The following OLFM3 variants were observed in gnomAD, a reference collection of about 807,000 sequenced individuals.
The protein encoded by OLFM3 is noelin-3.
Under a neutral mutation model 48.6 loss-of-function variants are expected in OLFM3, and 20 were observed. The ratio of observed to expected loss-of-function variants is 0.41; its 90% CI spans 0.29 to 0.60. The LOEUF (loss-of-function observed/expected upper bound fraction) is 0.60. OLFM3 is among the 20% of genes least tolerant of loss of function. OLFM3 has a pLI of 0.28. For synonymous variants in OLFM3, 222 were observed against 198.1 expected (o/e 1.12, Z -1.01); for missense variants, 437 against 544.3 (o/e 0.80, Z 1.96).
chr1:101,858,345 C>A (rs1656513416), intron 1 of OLFM3, among the ~76,000 whole-genome samples: 1 of 151,984 alleles, frequency 6.6e-6, no homozygotes, highest in Admixed American at 6.6e-5. Flanking sequence ...ATTTATTGAT[C>A]ATCCTCTATA....
intron 1 of OLFM3, among the ~76,000 whole-genome samples, chr1:101,965,294 A>G (rs1660576816): frequency 6.6e-6 from 1 of 152,228 alleles, no homozygotes; most frequent in Non-Finnish European, 1.5e-5. Context: ...CAAAAGAAGA[A>G]TAAAATGTTG....
chr1:101,987,098 G>A (rs1170422102), intron 1 of OLFM3, among the ~76,000 whole-genome samples: 1 of 152,066 alleles, frequency 6.6e-6, no homozygotes, highest in African/African-American at 2.4e-5. Flanking sequence ...CAAATATTTA[G>A]ATATGGAGTC....
chr1:101,889,718 T>G (rs1016381874), intron 1 of OLFM3, among the ~76,000 whole-genome samples: 19 of 152,074 alleles, frequency 1.2e-4, no homozygotes, highest in Admixed American at 1.2e-3. Context: ...TGATCTAGCA[T>G]AGATAACATA....
intron 1 of OLFM3, among the ~76,000 whole-genome samples, chr1:101,987,662 A>C (rs188352082): frequency 6.6e-6 from 1 of 152,266 alleles, no homozygotes; most frequent in East Asian, 1.9e-4. Flanking sequence ...CAACATTTCC[A>C]GTACTGATTC....
chr1:101,882,361 G>T (rs1240188894), intron 1 of OLFM3, among the ~76,000 whole-genome samples: 1 of 147,016 alleles, frequency 6.8e-6, no homozygotes, highest in Non-Finnish European at 1.5e-5. Context: ...AAGATTAAAA[G>T]AATTCTGCCA....
intron 1 of OLFM3, among the ~76,000 whole-genome samples, chr1:101,869,786 C>A (rs565072796): frequency 2.6e-5 from 4 of 152,036 alleles, no homozygotes; most frequent in Non-Finnish European, 4.4e-5. Flanking sequence ...TGAGTTCTCA[C>A]GATATCTGAT....
chr1:101,983,220 G>C lies in OLFM3; in HGVS notation c.69+13528C>G, dbSNP rs183352101. Among the ~76,000 whole-genome samples, 744 of 152,314 alleles carry C rather than the reference G, an allele frequency of 4.9e-3. 11 individuals carry two copies. The highest frequency in any genetic ancestry group is 0.017 in the African/African-American group (705 of 41,558). On this transcript the variant is annotated intron_variant, in intron 1 of 5. Transcript: ENST00000370103. ...AAAAAAGCTCTTCAGTAGCTCTTCA[G>C]TGCTTCACAGGCTTGTACATCTCTT...
chr1:101,980,348 A>T (rs1452583339), intron 1 of OLFM3, among the ~76,000 whole-genome samples: 3 of 152,078 alleles, frequency 2.0e-5, no homozygotes, highest in Non-Finnish European at 4.4e-5. Context: ...ATCTCACCTC[A>T]AATTGTAATC....
chr1:101,834,987 T>C (rs1430522430), intron 2 of OLFM3, among the ~76,000 whole-genome samples: 1 of 152,238 alleles, frequency 6.6e-6, no homozygotes, highest in Non-Finnish European at 1.5e-5. Flanking sequence ...TTATACTTTA[T>C]TTTAATTTTT....
intron 1 of OLFM3, among the ~76,000 whole-genome samples, chr1:101,860,244 A>G (rs573974994): frequency 1.3e-5 from 2 of 152,104 alleles, no homozygotes; most frequent in Non-Finnish European, 2.9e-5. Context: ...TCCACTTTAA[A>G]TAGGTACCAA....
At position 101,803,952 on chromosome 1, in the gene OLFM3, A is replaced by T. The variant is rs1480898753; in HGVS notation, c.*286T>A. The T allele has an allele frequency of 8.7e-6, 2 of 229,544 alleles. No individual in the cohort carries two copies. Among genetic ancestry groups the T allele is most frequent in the African/African-American group, 2.3e-5 (1 of 43,586 alleles). 14.2% of individuals were successfully genotyped at this position (229,544 alleles called of 1,614,324 possible). A position where few individuals can be genotyped will look rare whatever the true frequency, so the allele number is the denominator to read the frequency against. ...CTCTGACTCTAATATAAGGCAGATCATTAATCTCTTGCAAAACTATGACTT... is the reference window on the plus strand; with the variant it reads ...CTCTGACTCTAATATAAGGCAGATCTTTAATCTCTTGCAAAACTATGACTT... On this transcript the variant is annotated 3_prime_UTR_variant, in exon 6 of 6. Coordinates refer to ENST00000370103, the MANE Select transcript of OLFM3 (RefSeq NM_058170.4).
intron 1 of OLFM3, among the ~76,000 whole-genome samples, chr1:101,877,774 G>A (rs1657360023): frequency 6.6e-6 from 1 of 150,838 alleles, no homozygotes; most frequent in African/African-American, 2.4e-5. Flanking sequence ...TTAACATTGT[G>A]TTTAAATATT....
intron 1 of OLFM3, among the ~76,000 whole-genome samples, chr1:101,982,688 C>T (rs553027330): frequency 2.6e-5 from 4 of 152,310 alleles, no homozygotes; most frequent in African/African-American, 9.6e-5. Flanking sequence ...CTGCACCTTC[C>T]TGACTGCTTT....
intron 1 of OLFM3, among the ~76,000 whole-genome samples, chr1:101,923,826 T>A (rs1281430947): frequency 6.6e-6 from 1 of 152,178 alleles, no homozygotes; most frequent in African/African-American, 2.4e-5. Context: ...CTGTGTTTTT[T>A]TCTAAAATAT....
chr1:101,810,528 A>C (rs1653999288), intron 4 of OLFM3, among the ~76,000 whole-genome samples: 1 of 151,990 alleles, frequency 6.6e-6, no homozygotes, highest in African/African-American at 2.4e-5. Context: ...AGCTGCAAAA[A>C]TTTAGTAGCC....
At chr1:101,924,177 C>G (rs11164337) in intron 1 of OLFM3, among the ~76,000 whole-genome samples, 3 of 151,940 alleles carry the variant, frequency 2.0e-5, no homozygotes, top group Admixed American at 6.6e-5. Flanking sequence ...TCAATTGACA[C>G]GATTCTATCA....
At chr1:101,935,317 A>G (rs1659578648) in intron 1 of OLFM3, among the ~76,000 whole-genome samples, 1 of 151,886 alleles carries the variant, frequency 6.6e-6, no homozygotes, top group African/African-American at 2.4e-5. Context: ...GAGAAATAAA[A>G]AAAAAAATCA....
intron 1 of OLFM3, among the ~76,000 whole-genome samples, chr1:101,844,817 CA>C (rs150967211): frequency 6.0e-4 from 89 of 148,174 alleles, no homozygotes; most frequent in African/African-American, 1.9e-3. Flanking sequence ...ATTTAATTTG[CA>C]AAAAAAAAAT....
At chr1:101,948,659 G>A (rs1442320365) in intron 1 of OLFM3, among the ~76,000 whole-genome samples, 2 of 151,830 alleles carry the variant, frequency 1.3e-5, no homozygotes, top group African/African-American at 4.8e-5. Flanking sequence ...AAACACATTT[G>A]TGAAAACATA....
Sources: allele counts gnomAD v4.1 joint callset (sites outside exome capture counted in the v4.1 genomes callset), GRCh38; gene constraint gnomAD v4.1.1; transcripts MANE v1.5; gene names NCBI Gene and HGNC (gene_info 2026-07-23, HGNC 2026-07-21).